GALNT7: variants seen among roughly 807,000 people sequenced by gnomAD.
The protein encoded by GALNT7 is polypeptide N-acetylgalactosaminyltransferase 7, also known as N-acetylgalactosaminyltransferase 7.
In GALNT7, 60 loss-of-function variants were observed where a neutral mutation model predicts 82.1. That is an observed-to-expected ratio of 0.73 (90% confidence interval 0.59 to 0.91). The LOEUF (loss-of-function observed/expected upper bound fraction) is 0.91, where lower values mean the gene tolerates loss of function less well. Among genes scored for constraint, GALNT7 ranks in the 40% least tolerant of loss-of-function variants. The pLI is 0.00. For synonymous variants in GALNT7, 243 were observed against 275.1 expected, an observed-to-expected ratio of 0.88 and a Z score of 1.15; for missense variants, 660 against 804.2, an observed-to-expected ratio of 0.82 and a Z score of 2.17.
intron 1 of GALNT7, among the ~76,000 whole-genome samples, chr4:173,224,821 GC>G: frequency 6.6e-6 from 1 of 151,642 alleles, no homozygotes; most frequent in East Asian, 1.9e-4. Context: ...GACCATCCTG[GC>G]TAACACGGTG....
intron 1 of GALNT7, among the ~76,000 whole-genome samples, chr4:173,198,450 C>T (rs1319071242): frequency 6.6e-6 from 1 of 152,132 alleles, no homozygotes; most frequent in African/African-American, 2.4e-5. Flanking sequence ...ATAGTTAATA[C>T]ATCTCTATGT....
chr4:173,191,870 G>C (rs1263747425), intron 1 of GALNT7, among the ~76,000 whole-genome samples: 1 of 151,936 alleles, frequency 6.6e-6, no homozygotes, highest in Non-Finnish European at 1.5e-5. Context: ...GATTTTTTTA[G>C]GTGTCTTTTG....
chr4:173,285,849 T>C (rs563256426), intron 2 of GALNT7, among the ~76,000 whole-genome samples: 1 of 152,272 alleles, frequency 6.6e-6, no homozygotes, highest in South Asian at 2.1e-4. Flanking sequence ...CCACCTCTAA[T>C]TCCAGGGGTT....
intron 2 of GALNT7, among the ~76,000 whole-genome samples, chr4:173,254,264 A>G (rs1276436215): frequency 2.0e-5 from 3 of 152,226 alleles, no homozygotes; most frequent in Non-Finnish European, 4.4e-5. Context: ...TATATGCCAG[A>G]TAATTCTCCT....
At chr4:173,199,142 G>T (rs1732867290) in intron 1 of GALNT7, among the ~76,000 whole-genome samples, 2 of 152,196 alleles carry the variant, frequency 1.3e-5, no homozygotes, top group South Asian at 4.1e-4. Flanking sequence ...AGCATTATGT[G>T]CTAGATACTA....
intron 1 of GALNT7, among the ~76,000 whole-genome samples, chr4:173,192,828 G>T (rs1453699716): frequency 6.6e-6 from 1 of 152,214 alleles, no homozygotes; most frequent in African/African-American, 2.4e-5. Context: ...TGGGTGGGAA[G>T]GTTCAACCCT....
intron 2 of GALNT7, among the ~76,000 whole-genome samples, chr4:173,276,537 G>A (rs1735918729): frequency 6.6e-6 from 1 of 152,084 alleles, no homozygotes; most frequent in African/African-American, 2.4e-5. Context: ...AGAATATATA[G>A]TATTATCAAG....
At chr4:173,306,357 T>C (rs952214849) in intron 8 of GALNT7, among the ~76,000 whole-genome samples, 3 of 142,572 alleles carry the variant, frequency 2.1e-5, no homozygotes, top group Non-Finnish European at 4.4e-5. Context: ...TTGGATGTCT[T>C]TTCTTTCTCT....
intron 1 of GALNT7, among the ~76,000 whole-genome samples, chr4:173,206,258 G>A (rs1227933681): frequency 6.6e-6 from 1 of 152,194 alleles, no homozygotes; most frequent in Non-Finnish European, 1.5e-5. Flanking sequence ...AAGCTGTGCT[G>A]CCTGGGGTTG....
intron 2 of GALNT7, among the ~76,000 whole-genome samples, chr4:173,280,800 A>G (rs533625879): frequency 6.6e-6 from 1 of 152,356 alleles, no homozygotes; most frequent in African/African-American, 2.4e-5. Context: ...TTTTACCTCA[A>G]TACAATGGGC....
At chr4:173,262,261 A>T (rs191116106) in intron 2 of GALNT7, among the ~76,000 whole-genome samples, 1 of 152,214 alleles carries the variant, frequency 6.6e-6, no homozygotes, top group African/African-American at 2.4e-5. Flanking sequence ...TTAAAAAAGT[A>T]GCTGCAATAT....
In GALNT7 at chr4:173,313,939, A is replaced by ATT; in HGVS notation, c.1390-18_1390-17insTT. ...TGTATTTTTATAACGATATATATAT[A>ATT]TATATTTTTTTTTTACAGAATTATG... On this transcript the variant is annotated intron_variant, in intron 8 of 11. Transcript: ENST00000265000. 12 of 1,064,776 alleles carry ATT rather than the reference A, an allele frequency of 1.1e-5. No homozygotes were observed. Among genetic ancestry groups the ATT allele is most frequent in the South Asian group, 3.0e-5 (2 of 66,534 alleles). 66.0% of individuals were successfully genotyped at this position (1,064,776 alleles called of 1,614,324 possible).
At chr4:173,279,844 G>A (rs566851896) in intron 2 of GALNT7, among the ~76,000 whole-genome samples, 3 of 152,060 alleles carry the variant, frequency 2.0e-5, no homozygotes, top group African/African-American at 4.8e-5. Context: ...GTGTGGTGGC[G>A]CGTACCTGTA....
At chr4:173,280,786 G>T (rs972264397) in intron 2 of GALNT7, among the ~76,000 whole-genome samples, 1 of 152,162 alleles carries the variant, frequency 6.6e-6, no homozygotes, top group African/African-American at 2.4e-5. Flanking sequence ...TGCAGAATAG[G>T]GGGTTTTACC....
At position 173,198,515 on chromosome 4, in the gene GALNT7, C is replaced by G. The variant is rs559782297; in HGVS notation, c.126+29554C>G. Among the ~76,000 whole-genome samples the G allele has an allele frequency of 5.3e-5, 8 of 152,242 alleles. No individual in the cohort carries two copies. The South Asian group carries it at 8.3e-4, about 16-fold the overall frequency. ...AGATCCATTACAAATACAAAAAATT[C>G]ATGTGGCCAGATAAGTTCTATGACC... On this transcript the variant is annotated intron_variant, in intron 1 of 11. Coordinates refer to ENST00000265000, the MANE Select transcript of GALNT7 (RefSeq NM_017423.3).
chr4:173,178,049 G>GCA (rs1561142106), intron 1 of GALNT7, among the ~76,000 whole-genome samples: 1 of 105,494 alleles, frequency 9.5e-6, no homozygotes, highest in East Asian at 2.9e-4. Context: ...GTGTGTGTGT[G>GCA]TGTGCGCGCA....
chr4:173,259,465 A>C (rs1185656389), intron 2 of GALNT7, among the ~76,000 whole-genome samples: 1 of 151,446 alleles, frequency 6.6e-6, no homozygotes, highest in East Asian at 1.9e-4. Flanking sequence ...GGGAGTGGAG[A>C]AAAAAGATCC....
chr4:173,310,723 T>C (rs1315155970), intron 8 of GALNT7, among the ~76,000 whole-genome samples: 2 of 152,132 alleles, frequency 1.3e-5, no homozygotes, highest in Admixed American at 6.6e-5. Context: ...TCATCTAATT[T>C]TTTTATGTTG....
chr4:173,214,892 TAC>T (rs1402263865), intron 1 of GALNT7, among the ~76,000 whole-genome samples: 1 of 152,082 alleles, frequency 6.6e-6, no homozygotes, highest in Non-Finnish European at 1.5e-5. Flanking sequence ...GCAGAGGCAG[TAC>T]CAACACATCC....
Sources: gnomAD v4.1 joint callset for allele counts (sites outside exome capture counted in the v4.1 genomes callset) on GRCh38, gnomAD v4.1.1 for gene constraint, MANE v1.5 for transcripts, NCBI Gene and HGNC (gene_info 2026-07-23, HGNC 2026-07-21) for gene names.